ITGA9: variants seen among roughly 807,000 people sequenced by gnomAD.
The protein encoded by ITGA9 is integrin alpha-9.
ITGA9 carries 56 observed loss-of-function variants against 127.8 expected under a neutral mutation model. That is an observed-to-expected ratio of 0.44 (90% CI 0.35 to 0.55). The LOEUF (loss-of-function observed/expected upper bound fraction) is 0.55, where lower values mean the gene tolerates loss of function less well. Among genes scored for constraint, ITGA9 ranks in the 20% least tolerant of loss-of-function variants. The pLI, the probability that ITGA9 is intolerant of heterozygous loss-of-function variation, is 0.00. For synonymous variants in ITGA9, 508 were observed against 514.5 expected (o/e 0.99, Z 0.17); for missense variants, 1,196 against 1,347.1 (o/e 0.89, Z 1.76).
At chr3:37,656,674 C>T (rs1192500464) in intron 17 of ITGA9, among the ~76,000 whole-genome samples, 1 of 152,152 alleles carries the variant, frequency 6.6e-6, no homozygotes, top group Non-Finnish European at 1.5e-5. Context: ...TATTTGAATA[C>T]CCTTTTTTTC....
At chr3:37,551,116 CA>C (rs1699374388) in intron 15 of ITGA9, among the ~76,000 whole-genome samples, 1 of 152,162 alleles carries the variant, frequency 6.6e-6, no homozygotes, top group African/African-American at 2.4e-5. Flanking sequence ...CACCAGACGA[CA>C]GCTTTTATGT....
intron 11 of ITGA9, among the ~76,000 whole-genome samples, chr3:37,520,744 C>T (rs1349590021): frequency 6.6e-6 from 1 of 152,194 alleles, no homozygotes; most frequent in Non-Finnish European, 1.5e-5. Flanking sequence ...ATCTGAGTCA[C>T]AAGAGCTGCC....
At chr3:37,505,974 G>T (rs1484900800) in intron 6 of ITGA9, 26 bp from the exon 7 acceptor site, 9 of 1,531,204 alleles carry the variant, frequency 5.9e-6, no homozygotes, top group Non-Finnish European at 7.2e-6. Context: ...TCAACCGTGT[G>T]CTTGGTTTCC....
chr3:37,517,670 A>G, intron 10 of ITGA9, 61 bp downstream of exon 10: 1 of 1,218,110 alleles, frequency 8.2e-7, no homozygotes, highest in Non-Finnish European at 1.2e-6. Context: ...TCTGTTTCAG[A>G]GGGGCAGCCT....
rs116409082 is a variant in ITGA9 at position 37,596,517 on chromosome 3, G to C, written c.1690-32670G>C. ...TGAGAGCTAGCCTGACTTTCTTCCA[G>C]AGTCTTGGAGAGCACAAAGATGTGT... On this transcript the variant is annotated intron_variant, in intron 15 of 27. Transcript: ENST00000264741. Among the ~76,000 whole-genome samples the C allele has an allele frequency of 1.5e-3, 223 of 152,308 alleles. 4 individuals are homozygous for C. Among genetic ancestry groups the C allele is most frequent in the African/African-American group, 5.2e-3 (217 of 41,570 alleles).
Position 37,741,716 on chromosome 3 carries a change from C to T in ITGA9, c.2235-14C>T, listed in dbSNP as rs1575216142. On this transcript the variant is annotated splice_polypyrimidine_tract_variant and intron_variant, in intron 20 of 27. Transcript: ENST00000264741. ...TGTTGGCCAGCGTTCATTCATTCTC[C>T]TCTCTCTGCACAGTGGCAACACGGA... 10 of 1,608,360 alleles carry T rather than the reference C, an allele frequency of 6.2e-6. No individual in the cohort carries two copies. The East Asian group carries it at 2.0e-4, about 32-fold the overall frequency.
chr3:37,524,640 G>A (rs1445689840), intron 12 of ITGA9, among the ~76,000 whole-genome samples: 8 of 152,208 alleles, frequency 5.3e-5, no homozygotes, highest in Non-Finnish European at 8.8e-5. Flanking sequence ...TGTACAAAAT[G>A]CTTCCACATG....
At chr3:37,639,962 A>G (rs977234712) in intron 16 of ITGA9, among the ~76,000 whole-genome samples, 1 of 152,132 alleles carries the variant, frequency 6.6e-6, no homozygotes, top group African/African-American at 2.4e-5. Context: ...TGGTGATGAC[A>G]GAGGCCCTGT....
intron 16 of ITGA9, among the ~76,000 whole-genome samples, chr3:37,643,542 C>T (rs562325433): frequency 2.8e-4 from 42 of 152,282 alleles, no homozygotes; most frequent in Middle Eastern, 3.4e-3. Flanking sequence ...TTCTAGGCTT[C>T]TGAAACCCTT....
At chr3:37,803,692 T>C in intron 26 of ITGA9, 131 bp from the exon 27 acceptor site, 1 of 1,025,120 alleles carries the variant, frequency 9.8e-7, no homozygotes, top group Non-Finnish European at 1.5e-6. Flanking sequence ...GAGAATCGCT[T>C]GAACCCAGGA....
chr3:37,537,289 A>C (rs1313214278), intron 14 of ITGA9, among the ~76,000 whole-genome samples: 1 of 152,088 alleles, frequency 6.6e-6, no homozygotes, highest in Non-Finnish European at 1.5e-5. Flanking sequence ...TGTTGCTGGG[A>C]TAAGCTGCTA....
At chr3:37,790,308 G>A (rs1697092652) in intron 26 of ITGA9, 1 of 535,388 alleles carries the variant, frequency 1.9e-6, no homozygotes, top group South Asian at 1.4e-5. Context: ...TTTCTGGATA[G>A]AGACTAATCT....
At chr3:37,681,198 G>A (rs1700731324) in intron 17 of ITGA9, among the ~76,000 whole-genome samples, 1 of 152,158 alleles carries the variant, frequency 6.6e-6, no homozygotes, top group South Asian at 2.1e-4. Context: ...ACGTATGCTG[G>A]TTAATTTAAG....
chr3:37,733,800 T>C (rs935791907), intron 19 of ITGA9, among the ~76,000 whole-genome samples: 5 of 152,150 alleles, frequency 3.3e-5, no homozygotes, highest in African/African-American at 1.2e-4. Context: ...GGGTAATTTG[T>C]GATAGAATCC....
At chr3:37,467,637 TCTCA>T (rs1314969980) in intron 1 of ITGA9, among the ~76,000 whole-genome samples, 30 of 152,342 alleles carry the variant, frequency 2.0e-4, no homozygotes, top group African/African-American at 7.2e-4. Context: ...CGTGATGAAT[TCTCA>T]CTCTTGTGAA....
chr3:37,615,802 C>T (rs1269730096), intron 15 of ITGA9, among the ~76,000 whole-genome samples: 2 of 152,096 alleles, frequency 1.3e-5, no homozygotes, highest in Admixed American at 6.5e-5. Flanking sequence ...TCTGTGGGAT[C>T]GGTGGTGATA....
rs192459171 is a variant in ITGA9, at chr3:37,551,929, C to T, written c.1689+9344C>T. Among the ~76,000 whole-genome samples, 400 of 152,334 alleles carry T rather than the reference C, an allele frequency of 2.6e-3. 2 individuals carry two copies. The highest frequency in any genetic ancestry group is 8.9e-3 in the African/African-American group (369 of 41,584). On this transcript the variant is annotated intron_variant, in intron 15 of 27. Transcript: ENST00000264741. ...TGTGGACACAGCCACACTATGTTTT[C>T]GTGAAGGCATAAGACCATGGGCCAA...
intron 26 of ITGA9, among the ~76,000 whole-genome samples, chr3:37,796,490 G>GATGGATGGATGA (rs1006334885): frequency 2.0e-5 from 3 of 150,466 alleles, no homozygotes; most frequent in African/African-American, 7.3e-5. Context: ...TGGATGGATG[G>GATGGATGGATGA]ATGGATGGAT....
intron 15 of ITGA9, among the ~76,000 whole-genome samples, chr3:37,626,470 G>A (rs549666832): frequency 2.6e-5 from 4 of 151,696 alleles, no homozygotes; most frequent in Admixed American, 1.3e-4. Context: ...GACCACCTTG[G>A]GCAACATAGT....
Sources: gnomAD v4.1 joint callset for allele counts (sites outside exome capture counted in the v4.1 genomes callset) on GRCh38, gnomAD v4.1.1 for gene constraint, MANE v1.5 for transcripts, NCBI Gene and HGNC (gene_info 2026-07-23, HGNC 2026-07-21) for gene names.